The following SLC16A14 variants were observed in gnomAD, a reference collection of about 807,000 sequenced individuals.
The protein encoded by SLC16A14 is solute carrier family 16 member 14, also known as monocarboxylate transporter 14.
Under a neutral mutation model 35.8 loss-of-function variants are expected in SLC16A14, and 14 were observed. The ratio of observed to expected loss-of-function variants is 0.39; its 90% CI spans 0.26 to 0.61. The LOEUF (loss-of-function observed/expected upper bound fraction) is 0.61, where lower values mean the gene tolerates loss of function less well. Among genes scored for constraint, SLC16A14 ranks in the 20% least tolerant of loss-of-function variants. SLC16A14 has a pLI of 0.51. For synonymous variants in SLC16A14, 248 were observed against 258.9 expected (o/e 0.96, Z 0.40); for missense variants, 533 against 655.0 (o/e 0.81, Z 2.03).
intron 1 of SLC16A14, among the ~76,000 whole-genome samples, chr2:230,060,502 C>A (rs538748296): frequency 9.6e-5 from 14 of 146,472 alleles, no homozygotes; most frequent in Admixed American, 2.7e-4. Context: ...GCCACCATGC[C>A]TAGCTAATTT....
chr2:230,067,565 T>A (rs868600598), intron 1 of SLC16A14, among the ~76,000 whole-genome samples: 1,531 of 42,568 alleles, frequency 0.036, 26 homozygotes, highest in South Asian at 0.059. Flanking sequence ...TCTCTCTCTC[T>A]CTCTCTCACA....
intron 3 of SLC16A14, 24 bp downstream of exon 3, chr2:230,049,737 G>T (rs761556223): frequency 6.2e-7 from 1 of 1,606,890 alleles, no homozygotes; most frequent in South Asian, 1.1e-5. Flanking sequence ...TTAAAATCGA[G>T]TTTAAAAAAA....
Position 230,046,739 on chromosome 2 carries a change from G to A in SLC16A14, c.404-17C>T, listed in dbSNP as rs2077612211. 3 of 1,574,258 alleles carry A rather than the reference G, an allele frequency of 1.9e-6. No individual in the cohort carries two copies. Among genetic ancestry groups the A allele is most frequent in the African/African-American group, 2.7e-5 (2 of 74,190 alleles). ...TGCCCAGGCCTGTACAGGCCGACGG[G>A]GGGAAGAAAAGACACAGTGCAACAT... On this transcript the variant is annotated splice_polypyrimidine_tract_variant and intron_variant, in intron 3 of 4. Coordinates refer to ENST00000295190, the MANE Select transcript of SLC16A14 (RefSeq NM_152527.5). This position sits in a 1 kb window ranked among gnomAD's most constrained non-coding sequence, Gnocchi z 5.0.
chr2:230,053,322 C>A (rs1045055833), intron 2 of SLC16A14, among the ~76,000 whole-genome samples: 1 of 152,156 alleles, frequency 6.6e-6, no homozygotes, highest in Admixed American at 6.6e-5. Context: ...TAAAAGAAGT[C>A]CCCTCACAAT....
rs981775199 is a variant in SLC16A14 at position 230,054,083 on chromosome 2, A to G, written c.260-4179T>C. 2.4e-3 allele frequency among the ~76,000 whole-genome samples: 319 copies of G among 133,442 alleles called. 2 individuals are homozygous for G. The highest frequency in any genetic ancestry group is 8.2e-3 in the African/African-American group (289 of 35,324). 87.5% of individuals were successfully genotyped at this position (133,442 alleles called of 152,430 possible). ...TGGAGCCCATCCCAGGTGCAGCCTG[A>G]GGTGGGGGGGGAAGTTAAAGCTCCC... is the stretch of plus-strand genomic sequence containing the variant. On this transcript the variant is annotated intron_variant, in intron 2 of 4. Transcript: ENST00000295190.
At chr2:230,041,990 G>A (rs2077563944) in intron 4 of SLC16A14, among the ~76,000 whole-genome samples, 1 of 152,196 alleles carries the variant, frequency 6.6e-6, no homozygotes, top group South Asian at 2.1e-4. Context: ...ACATCATGCA[G>A]GTAGCCAATG....
At chr2:230,067,530 T>C in intron 1 of SLC16A14, among the ~76,000 whole-genome samples, 1 of 110,932 alleles carries the variant, frequency 9.0e-6, no homozygotes, top group Non-Finnish European at 1.8e-5. Flanking sequence ...CTCTCTCCCC[T>C]CTCTTCTCTC....
At chr2:230,062,711 A>G (rs1283216224) in intron 1 of SLC16A14, among the ~76,000 whole-genome samples, 1 of 152,208 alleles carries the variant, frequency 6.6e-6, no homozygotes, top group Non-Finnish European at 1.5e-5. Context: ...CGTTCTGGCT[A>G]AGGGTTTACT....
Position 230,045,840 on chromosome 2 carries a change from G to A in SLC16A14, c.1286C>T (p.Thr429Ile). 6.2e-7 allele frequency: 1 copy of A among 1,614,182 alleles called. No individual in the cohort carries two copies. The highest frequency in any genetic ancestry group is 8.5e-7 in the Non-Finnish European group (1 of 1,180,020). The change falls in exon 4 of 5, where the codon ACT becomes ATT. Residue 429 changes from threonine to isoleucine, a missense_variant. By Grantham distance (89) the Thr-to-Ile change is moderately conservative (BLOSUM62 -1). Transcript: ENST00000295190. ...GTGTTCAATGCCAACCAAGTCTTCAGTCACTACGGGCATTAGGGAGAAATA... is the reference window on the plus strand; with the variant it reads ...GTGTTCAATGCCAACCAAGTCTTCAATCACTACGGGCATTAGGGAGAAATA... The part of the protein sequence containing the change: ...SGYFSLMPVV[T>I]EDLVGIEHLA...
chr2:230,056,991 C>G (rs1310248430), intron 2 of SLC16A14, among the ~76,000 whole-genome samples: 1 of 151,774 alleles, frequency 6.6e-6, no homozygotes, highest in East Asian at 1.9e-4. Context: ...GGCACAGATT[C>G]CAATCAGACA....
chr2:230,056,430 A>C (rs2077705370), intron 2 of SLC16A14, among the ~76,000 whole-genome samples: 1 of 151,614 alleles, frequency 6.6e-6, no homozygotes, highest in African/African-American at 2.4e-5. Context: ...AATTTTTTGT[A>C]TCTTTAGTAA....
At chr2:230,050,067 T>C (rs890926700) in intron 2 of SLC16A14, among the ~76,000 whole-genome samples, 163 bp from the exon 3 acceptor site, 2 of 152,244 alleles carry the variant, frequency 1.3e-5, no homozygotes, top group African/African-American at 2.4e-5. Flanking sequence ...CATGCAAAGA[T>C]GATTTTAAGT....
chr2:230,045,565 A>C (rs2077597907), intron 4 of SLC16A14, 180 bp downstream of exon 4: 2 of 751,894 alleles, frequency 2.7e-6, no homozygotes, highest in East Asian at 5.4e-5. Context: ...GTCTTGAAAA[A>C]AAAAAAGAAA....
chr2:230,052,103 A>C, intron 2 of SLC16A14, among the ~76,000 whole-genome samples: 1 of 151,924 alleles, frequency 6.6e-6, no homozygotes, highest in African/African-American at 2.4e-5. Flanking sequence ...TGCCTGGCTA[A>C]TTTTTGTATT....
At chr2:230,057,669 C>T (rs1040799787) in intron 2 of SLC16A14, among the ~76,000 whole-genome samples, 1 of 152,052 alleles carries the variant, frequency 6.6e-6, no homozygotes, top group Non-Finnish European at 1.5e-5. Flanking sequence ...TATCAGTAAG[C>T]TTTCTAGAAA....
At chr2:230,051,297 G>T (rs1427794121) in intron 2 of SLC16A14, among the ~76,000 whole-genome samples, 1 of 152,026 alleles carries the variant, frequency 6.6e-6, no homozygotes, top group Non-Finnish European at 1.5e-5. Context: ...AAGTAGCTGG[G>T]CCTAGAGGCT....
intron 2 of SLC16A14, 40 bp downstream of exon 2, chr2:230,059,054 A>C: frequency 6.5e-7 from 1 of 1,534,188 alleles, no homozygotes; most frequent in East Asian, 2.3e-5. Flanking sequence ...TTGTCATTTG[A>C]TAACGATTCA....
chr2:230,040,548 T>A (rs113712412), intron 4 of SLC16A14, among the ~76,000 whole-genome samples: 239 of 152,204 alleles, frequency 1.6e-3, no homozygotes, highest in East Asian at 2.5e-3. Flanking sequence ...TTATTTTTTT[T>A]TAAAAACTGT....
intron 3 of SLC16A14, among the ~76,000 whole-genome samples, chr2:230,047,214 C>T (rs1294089825): frequency 1.3e-5 from 2 of 152,062 alleles, no homozygotes; most frequent in Admixed American, 6.6e-5. Context: ...TGTTTATTTC[C>T]TCGCCTATAA....
Sources: allele counts gnomAD v4.1 joint callset (sites outside exome capture counted in the v4.1 genomes callset), GRCh38; gene constraint gnomAD v4.1.1; non-coding constraint Gnocchi (gnomAD v3.1); transcripts MANE v1.5; gene names NCBI Gene and HGNC (gene_info 2026-07-23, HGNC 2026-07-21).